LRPPRC: variants seen among roughly 807,000 people sequenced by gnomAD.
LRPPRC encodes the protein leucine rich pentatricopeptide repeat containing, also known as leucine-rich PPR motif-containing protein, mitochondrial.
LRPPRC carries 120 observed loss-of-function variants against 180.3 expected under a neutral mutation model. The observed-to-expected ratio is 0.67, with a 90% CI of 0.57 to 0.77. LRPPRC has a LOEUF of 0.77. LRPPRC is among the 30% of genes least tolerant of loss of function. LRPPRC has a pLI of 0.00. For missense variants in LRPPRC, 2,012 were observed against 1,657.2 expected (o/e 1.21, Z -3.72); for synonymous variants, 723 against 600.0 (o/e 1.21, Z -3.00).
rs1476106460 is a variant in LRPPRC at position 43,973,647 on chromosome 2, C to A, written c.1329G>T (p.Trp443Cys). The change falls in exon 11 of 38, where the codon TGG becomes TGT. Residue 443 changes from tryptophan to cysteine, a missense_variant. Transcript: ENST00000260665. ...CCTTCCGACGTCCAACTAGCAATGG[C>A]CAGAAATAGTGAGGTCTGATAGGAA... The part of the protein sequence containing the change: ...EGFPIRPHYF[W>C]PLLVGRRKEK... 1 of 1,613,854 alleles carries A rather than the reference C, an allele frequency of 6.2e-7. No individual in the cohort carries two copies. The highest frequency in any genetic ancestry group is 1.3e-5 in the African/African-American group (1 of 74,894).
chr2:43,977,208 AG>A lies in LRPPRC; in HGVS notation c.537del (p.Ser180HisfsTer19). 6.2e-7 allele frequency: 1 copy of A among 1,605,994 alleles called. No individual in the cohort carries two copies. On this transcript the variant is annotated frameshift_variant, in exon 4 of 38. Transcript: ENST00000260665. LOFTEE classifies it high-confidence loss of function. Reference sequence around the variant, plus strand: ...ATTTTTGCCAGGAAATCAGTTGGTGAGAATTTATATTCATTTTGAAGATAGA... The same window carrying A: ...ATTTTTGCCAGGAAATCAGTTGGTGAAATTTATATTCATTTTGAAGATAGA... ...LKVYLQNEYK[F>X]SPTDFLAKME...
intron 12 of LRPPRC, among the ~76,000 whole-genome samples, chr2:43,962,030 T>G (rs1381712795): frequency 6.6e-6 from 1 of 152,204 alleles, no homozygotes; most frequent in African/African-American, 2.4e-5. Flanking sequence ...GTAGTTGTTT[T>G]CAATCCCAAA....
chr2:43,974,079 G>A (rs530818910), intron 9 of LRPPRC, 71 bp downstream of exon 9: 20 of 1,436,534 alleles, frequency 1.4e-5, no homozygotes, highest in South Asian at 2.3e-5. Context: ...TCTTATAAAT[G>A]TTCCTATACT....
At chr2:43,957,548 G>C in intron 13 of LRPPRC, 97 bp from the exon 14 acceptor site, 1 of 883,596 alleles carries the variant, frequency 1.1e-6, no homozygotes, top group Non-Finnish European at 1.9e-6. Context: ...ATACCTTTTA[G>C]TTTTCATTTT....
chr2:43,986,830 G>C (rs1433989072), intron 1 of LRPPRC, among the ~76,000 whole-genome samples: 1 of 152,206 alleles, frequency 6.6e-6, no homozygotes, highest in African/African-American at 2.4e-5. Flanking sequence ...GTGAGAGTGA[G>C]ACTAGACAGT....
intron 12 of LRPPRC, among the ~76,000 whole-genome samples, chr2:43,960,962 A>C (rs1230381241): frequency 6.6e-6 from 1 of 152,190 alleles, no homozygotes; most frequent in African/African-American, 2.4e-5. Flanking sequence ...TGGGGCATAC[A>C]GTTTGGCCAG....
intron 1 of LRPPRC, among the ~76,000 whole-genome samples, chr2:43,985,955 T>C (rs972414535): frequency 6.6e-6 from 1 of 152,222 alleles, no homozygotes; most frequent in Non-Finnish European, 1.5e-5. Context: ...CCTGTTGTCC[T>C]ACATGCTTGC....
At chr2:43,991,381 T>C (rs1039547733) in intron 1 of LRPPRC, among the ~76,000 whole-genome samples, 3 of 152,050 alleles carry the variant, frequency 2.0e-5, no homozygotes, top group Non-Finnish European at 4.4e-5. Context: ...AAAATGAGAG[T>C]TTTCTAAAAG....
At chr2:43,993,379 T>G (rs572447254) in intron 1 of LRPPRC, among the ~76,000 whole-genome samples, 1 of 152,248 alleles carries the variant, frequency 6.6e-6, no homozygotes, top group Middle Eastern at 3.4e-3. Context: ...AAGGCACTTT[T>G]GAAATAATTT....
chr2:43,951,542 G>A lies in LRPPRC; in HGVS notation c.1650-942C>T, dbSNP rs183933830. ...TTAATTTTGTCAGGTATGATATTAC[G>A]GTGGTTATGTTGTTTTATTTAAAGT... On this transcript the variant is annotated intron_variant, in intron 14 of 37. Transcript: ENST00000260665. Among the ~76,000 whole-genome samples, 5 of 152,238 alleles carry A rather than the reference G, an allele frequency of 3.3e-5. No individual in the cohort carries two copies. In the East Asian group the frequency reaches 5.8e-4, roughly 18 times the overall value.
chr2:43,979,389 C>T (rs566299983), intron 3 of LRPPRC, among the ~76,000 whole-genome samples: 9 of 152,120 alleles, frequency 5.9e-5, no homozygotes, highest in African/African-American at 9.7e-5. Flanking sequence ...ATCTATTTTA[C>T]GGGTACTCCA....
chr2:43,894,484 T>G, intron 36 of LRPPRC, 61 bp downstream of exon 36: 1 of 836,502 alleles, frequency 1.2e-6, no homozygotes, highest in Non-Finnish European at 2.1e-6. Context: ...TTACATGATA[T>G]AGTCACTTAA....
intron 29 of LRPPRC, among the ~76,000 whole-genome samples, chr2:43,916,885 C>T (rs528765247): frequency 1.5e-5 from 2 of 135,846 alleles, no homozygotes; most frequent in South Asian, 4.6e-4. Flanking sequence ...GCGGGGGCTG[C>T]AATGAACCAT....
At chr2:43,902,495 A>C (rs1464023822) in intron 31 of LRPPRC, 1 of 152,206 alleles carries the variant, frequency 6.6e-6, no homozygotes, top group Admixed American at 6.5e-5. Context: ...AAAAATGGGG[A>C]AAGTGTATTA....
At position 43,898,071 on chromosome 2, in the gene LRPPRC, TA is replaced by T. The variant is rs61550367; in HGVS notation, c.3825+1147del. 4.0e-3 allele frequency among the ~76,000 whole-genome samples: 469 copies of T among 115,906 alleles called. 1 individual carries two copies. Among genetic ancestry groups the T allele is most frequent in the Middle Eastern group, 9.1e-3 (2 of 220 alleles). 76.0% of individuals were successfully genotyped at this position (115,906 alleles called of 152,430 possible). A position where few individuals can be genotyped will look rare whatever the true frequency, so the allele number is the denominator to read the frequency against. ...TCATAAACTGCCTTTTCCTTAAAATTAAAAAAAAAAAAAAAAACAAAGGAAA... is the reference window on the plus strand; with the variant it reads ...TCATAAACTGCCTTTTCCTTAAAATTAAAAAAAAAAAAAAAACAAAGGAAA... On this transcript the variant is annotated intron_variant, in intron 34 of 37. Transcript: ENST00000260665.
chr2:43,947,716 C>G lies in LRPPRC; in HGVS notation c.1965+15G>C. 6.7e-7 allele frequency: 1 copy of G among 1,483,416 alleles called. No homozygotes were observed. The highest frequency in any genetic ancestry group is 1.1e-5 in the South Asian group (1 of 88,128). 91.9% of individuals were successfully genotyped at this position (1,483,416 alleles called of 1,614,324 possible). A position where few individuals can be genotyped will look rare whatever the true frequency, so the allele number is the denominator to read the frequency against. ...GGTATTATAGCATGTAGAATCTAGTCAAAATCCTACTTACTTTTTGAAAGT... is the reference window on the plus strand; with the variant it reads ...GGTATTATAGCATGTAGAATCTAGTGAAAATCCTACTTACTTTTTGAAAGT... On this transcript the variant is annotated intron_variant, in intron 19 of 37. Coordinates refer to ENST00000260665, the MANE Select transcript of LRPPRC (RefSeq NM_133259.4).
At chr2:43,890,462 C>G (rs1316741081) in intron 36 of LRPPRC, 1 of 378,730 alleles carries the variant, frequency 2.6e-6, no homozygotes, top group Non-Finnish European at 5.5e-6. Context: ...GCCTGTAATC[C>G]CAGCACTTTG....
rs1046213264 is a variant in LRPPRC, at chr2:43,909,738, A to G, written c.3275+2694T>C. ...TTCCAAGGGTGTATACTTATCCCCAAACTCACTGAGATAGATACATTAAAT... is the reference window on the plus strand; with the variant it reads ...TTCCAAGGGTGTATACTTATCCCCAGACTCACTGAGATAGATACATTAAAT... On this transcript the variant is annotated intron_variant, in intron 30 of 37. Coordinates refer to ENST00000260665, the MANE Select transcript of LRPPRC (RefSeq NM_133259.4). Among the ~76,000 whole-genome samples, 4 of 152,168 alleles carry G rather than the reference A, an allele frequency of 2.6e-5. No homozygotes were observed. In the South Asian group the frequency reaches 8.3e-4, roughly 32 times the overall value.
intron 23 of LRPPRC, among the ~76,000 whole-genome samples, chr2:43,941,114 G>C (rs1672465189): frequency 6.6e-6 from 1 of 151,938 alleles, no homozygotes; most frequent in African/African-American, 2.4e-5. Flanking sequence ...ATTTCCCTTG[G>C]CAAATGAATA....
Sources: allele counts gnomAD v4.1 joint callset (sites outside exome capture counted in the v4.1 genomes callset), GRCh38; gene constraint gnomAD v4.1.1; transcripts MANE v1.5; gene names NCBI Gene and HGNC (gene_info 2026-07-23, HGNC 2026-07-21).